The following MTSS1 variants were observed in gnomAD, a reference collection of about 807,000 sequenced individuals.
MTSS1 encodes protein MTSS 1.
In MTSS1, 18 loss-of-function variants were observed where a neutral mutation model predicts 79.0. That is an observed-to-expected ratio of 0.23 (90% CI 0.16 to 0.34). The LOEUF (loss-of-function observed/expected upper bound fraction) is 0.34, where lower values mean the gene tolerates loss of function less well. Ranked by LOEUF, MTSS1 falls within the 10% of genes least tolerant of loss-of-function variation. The probability of loss-of-function intolerance (pLI) is 1.00; values close to 1 mark genes in which losing one functional copy is unlikely to be tolerated. For missense variants in MTSS1, 815 were observed against 986.2 expected, an observed-to-expected ratio of 0.83 and a Z score of 2.33; for synonymous variants, 341 against 368.6, an observed-to-expected ratio of 0.93 and a Z score of 0.86.
At chr8:124,580,277 T>A (rs1427623373) in intron 6 of MTSS1, 2 of 405,446 alleles carry the variant, frequency 4.9e-6, no homozygotes, top group African/African-American at 4.0e-5. Flanking sequence ...TGTATTTCTT[T>A]TTTCCATGAG....
chr8:124,620,227 T>A (rs1332631774), intron 3 of MTSS1, among the ~76,000 whole-genome samples: 1 of 152,102 alleles, frequency 6.6e-6, no homozygotes, highest in African/African-American at 2.4e-5. Flanking sequence ...ATTACAGGAA[T>A]GAGCCACTGC....
Position 124,555,863 on chromosome 8 carries a change from G to T in MTSS1, c.1446C>A (p.Ala482=). The T allele has an allele frequency of 6.2e-7, 1 of 1,611,680 alleles. No individual in the cohort carries two copies. Among genetic ancestry groups the T allele is most frequent in the Non-Finnish European group, 8.5e-7 (1 of 1,179,968 alleles). The change falls in exon 13 of 14, where the codon GCC becomes GCA. Residue 482 remains alanine, a synonymous_variant. Transcript: ENST00000518547. The part of the protein sequence containing the change: ...EMEACEELAL[A]LSRGLQLDTQ... ...TGTCCAGCTGCAGGCCCCGAGACAG[G>T]GCCAGGGCCAGCTCCTCACAAGCCT...
At chr8:124,633,676 A>G (rs567575061) in intron 3 of MTSS1, among the ~76,000 whole-genome samples, 8 of 152,058 alleles carry the variant, frequency 5.3e-5, no homozygotes, top group African/African-American at 1.9e-4. Flanking sequence ...GGGCTGAGGG[A>G]GGAGAATCAC....
intron 3 of MTSS1, among the ~76,000 whole-genome samples, chr8:124,689,092 C>T (rs938077628): frequency 6.8e-6 from 1 of 146,764 alleles, no homozygotes; most frequent in Admixed American, 6.7e-5. Flanking sequence ...GCCAAATTCT[C>T]GGTGACAGAA....
intron 6 of MTSS1, among the ~76,000 whole-genome samples, chr8:124,583,930 T>C (rs17300503): frequency 0.076 from 11,626 of 152,276 alleles, 605 homozygotes; most frequent in Non-Finnish European, 0.11. Flanking sequence ...TTAGATAGGA[T>C]ACAAATCTGA....
At chr8:124,689,776 T>C (rs866135907) in intron 3 of MTSS1, among the ~76,000 whole-genome samples, 10 of 151,892 alleles carry the variant, frequency 6.6e-5, no homozygotes, top group Middle Eastern at 3.4e-3. Context: ...AATTCTTCGC[T>C]TCATCTGCAT....
At chr8:124,699,874 T>C (rs540198952) in intron 2 of MTSS1, among the ~76,000 whole-genome samples, 2 of 152,300 alleles carry the variant, frequency 1.3e-5, no homozygotes, top group East Asian at 3.9e-4. Context: ...GGGCCAGGCA[T>C]GGTGGCTCAC....
At chr8:124,617,548 A>C (rs1837097611) in intron 3 of MTSS1, among the ~76,000 whole-genome samples, 1 of 152,224 alleles carries the variant, frequency 6.6e-6, no homozygotes, top group African/African-American at 2.4e-5. Context: ...TTTCAAGAGA[A>C]TAATTTTTTA....
chr8:124,676,283 T>C (rs541936898), intron 3 of MTSS1, among the ~76,000 whole-genome samples: 12 of 152,294 alleles, frequency 7.9e-5, no homozygotes, highest in African/African-American at 2.6e-4. Context: ...GTATTAAAGA[T>C]TAAATTCTTT....
intron 3 of MTSS1, among the ~76,000 whole-genome samples, chr8:124,596,937 G>T (rs931112650): frequency 3.9e-5 from 6 of 152,026 alleles, no homozygotes; most frequent in African/African-American, 1.4e-4. Flanking sequence ...TTGGATTAGG[G>T]CCCACCTTAA....
At chr8:124,558,458 G>C (rs533839901) in intron 10 of MTSS1, among the ~76,000 whole-genome samples, 3 of 152,154 alleles carry the variant, frequency 2.0e-5, no homozygotes, top group Non-Finnish European at 4.4e-5. Context: ...CCTGGTCTGG[G>C]AGAAAGCCTT....
chr8:124,555,828 C>G lies in MTSS1; in HGVS notation c.1481G>C (p.Ser494Thr), dbSNP rs1254932472. The G allele has an allele frequency of 6.2e-7, 1 of 1,613,442 alleles. No individual in the cohort carries two copies. Among genetic ancestry groups the G allele is most frequent in the Non-Finnish European group, 8.5e-7 (1 of 1,179,962 alleles). ...GGAGCACTGAAGCGAGTCCCGGCTGCTCCTCTGGGTGTCCAGCTGCAGGCC... is the reference window on the plus strand; with the variant it reads ...GGAGCACTGAAGCGAGTCCCGGCTGGTCCTCTGGGTGTCCAGCTGCAGGCC... The part of the protein sequence containing the change: ...SRGLQLDTQR[S>T]SRDSLQCSSG... The change falls in exon 13 of 14, where the codon AGC (serine) becomes ACC (threonine). Residue 494 changes from serine to threonine, a missense_variant. Coordinates refer to ENST00000518547, the MANE Select transcript of MTSS1 (RefSeq NM_014751.6).
chr8:124,553,597 T>G lies in MTSS1; in HGVS notation c.1663A>C (p.Ser555Arg). ...SSTIPRNSDI[S>R]QSYRRMFQAK... ...TGGAACATCCGTCGGTAGGACTGGC[T>G]GATGTCGCTGTTTCTTGGAATGGTG... is the stretch of plus-strand genomic sequence containing the variant. The change falls in exon 14 of 14, where the codon AGC (serine) becomes CGC (arginine). Residue 555 changes from serine (S) to arginine (R), a missense_variant. This residue lies in a region of MTSS1 where 590 missense variants were observed against 620.8 expected (regional missense o/e 0.95). Coordinates refer to ENST00000518547, the MANE Select transcript of MTSS1 (RefSeq NM_014751.6). The surrounding 1 kb of genome is among the most constrained non-coding windows in gnomAD (Gnocchi z 6.0). The G allele has an allele frequency of 6.2e-7, 1 of 1,614,184 alleles. No individual in the cohort carries two copies.
Position 124,662,947 on chromosome 8 carries a change from C to T in MTSS1, c.208+36579G>A, listed in dbSNP as rs1028637426. On this transcript the variant is annotated intron_variant, in intron 3 of 13. Transcript: ENST00000518547. ...GATCCAAGGGACCGAGACGTGACCACGAGCCTTTCCTGATTGTTTTCTCCA... is the reference window on the plus strand; with the variant it reads ...GATCCAAGGGACCGAGACGTGACCATGAGCCTTTCCTGATTGTTTTCTCCA... Among the ~76,000 whole-genome samples, 8 of 152,192 alleles carry T rather than the reference C, an allele frequency of 5.3e-5. No individual in the cohort carries two copies. In the South Asian group the frequency reaches 6.2e-4, roughly 12 times the overall value.
Position 124,704,105 on chromosome 8 carries a change from CTGTAGAACA to C in MTSS1, c.134+16_134+24del. On this transcript the variant is annotated intron_variant, in intron 2 of 13. Transcript: ENST00000518547. ...CTTGTCTGAGGATGTTGTCCTTTTC[CTGTAGAACA>C]TGTGCTTCTACTTACCGAAGCTGGG... 1 of 1,609,492 alleles carries C rather than the reference CTGTAGAACA, an allele frequency of 6.2e-7. No homozygotes were observed. The highest frequency in any genetic ancestry group is 1.1e-5 in the South Asian group (1 of 90,956).
chr8:124,552,400 CA>C lies in MTSS1; in HGVS notation c.*591del, dbSNP rs1822662805. The C allele has an allele frequency of 6.5e-6, 1 of 153,792 alleles. No individual in the cohort carries two copies. The highest frequency in any genetic ancestry group is 1.5e-5 in the Non-Finnish European group (1 of 68,904). The allele number at this position is 153,792 out of a possible 1,614,324, so 9.5% of individuals were successfully genotyped here. ...TGTACCCCTCCCATGGCCCTCCCCC[CA>C]ATCCCAACACAGTCTACCATTTCCA... is the stretch of plus-strand genomic sequence containing the variant. On this transcript the variant is annotated 3_prime_UTR_variant, in exon 14 of 14. Transcript: ENST00000518547.
At position 124,557,310 on chromosome 8, in the gene MTSS1, T is replaced by G. The variant is rs1013112832; in HGVS notation, c.1230+371A>C. On this transcript the variant is annotated intron_variant, in intron 11 of 13. Transcript: ENST00000518547. ...CTAAACCCCCTAGAAGCTCTGATCA[T>G]GCTGACACCCTCAGGTGGCCCCCGG... 4.7e-4 allele frequency among the ~76,000 whole-genome samples: 72 copies of G among 152,144 alleles called. 1 individual carries two copies. Among genetic ancestry groups the G allele is most frequent in the African/African-American group, 1.7e-3 (71 of 41,442 alleles).
At chr8:124,701,595 G>A (rs1034972113) in intron 2 of MTSS1, among the ~76,000 whole-genome samples, 4 of 152,168 alleles carry the variant, frequency 2.6e-5, no homozygotes, top group African/African-American at 9.7e-5. Flanking sequence ...CTGACACAAT[G>A]GCTGGATTTA....
rs760748203 is a variant in MTSS1 at position 124,559,302 on chromosome 8, C to G, written c.1036-1427G>C. Reference sequence around the variant, plus strand: ...TATTGCATGAGGGCGGACCCCAGCTCGGGCTTTTGCTACATGTCTGCCTGG... The same window carrying G: ...TATTGCATGAGGGCGGACCCCAGCTGGGGCTTTTGCTACATGTCTGCCTGG... On this transcript the variant is annotated intron_variant, in intron 10 of 13. Coordinates refer to ENST00000518547, the MANE Select transcript of MTSS1 (RefSeq NM_014751.6). Among the ~76,000 whole-genome samples the G allele has an allele frequency of 3.3e-5, 5 of 152,324 alleles. No homozygotes were observed. In the East Asian group the frequency reaches 9.7e-4, roughly 29 times the overall value.
Sources: allele counts gnomAD v4.1 joint callset (sites outside exome capture counted in the v4.1 genomes callset), GRCh38; gene constraint gnomAD v4.1.1; regional missense constraint gnomAD v4.1.1; non-coding constraint Gnocchi (gnomAD v3.1); transcripts MANE v1.5; gene names NCBI Gene and HGNC (gene_info 2026-07-23, HGNC 2026-07-21).